Variants in LRBA observed in about 807,000 individuals in gnomAD.
LRBA encodes lipopolysaccharide-responsive and beige-like anchor protein.
LRBA carries 176 observed loss-of-function variants against 330.0 expected under a neutral mutation model. That is an observed-to-expected ratio of 0.53 (90% CI 0.47 to 0.60). The LOEUF (loss-of-function observed/expected upper bound fraction) is 0.60, where lower values mean the gene tolerates loss of function less well. Ranked by LOEUF, LRBA falls within the 20% of genes least tolerant of loss-of-function variation. LRBA has a pLI of 0.00. For synonymous variants in LRBA, 1,230 were observed against 1,193.0 expected (o/e 1.03, Z -0.64); for missense variants, 3,259 against 3,444.8 (o/e 0.95, Z 1.35).
rs375297080 is a variant in LRBA at position 150,616,694 on chromosome 4, G to A, written c.5922-17563C>T. 3.9e-5 allele frequency among the ~76,000 whole-genome samples: 6 copies of A among 152,252 alleles called. No homozygotes were observed. In the South Asian group the frequency reaches 8.3e-4, roughly 21 times the overall value. Reference sequence around the variant, plus strand: ...GTGAAGCAAGTTCAAGAGAGAATAGGAGAAGAGAAACTCAGCAAGTAGAAA... The same window carrying A: ...GTGAAGCAAGTTCAAGAGAGAATAGAAGAAGAGAAACTCAGCAAGTAGAAA... On this transcript the variant is annotated intron_variant, in intron 37 of 56. Coordinates refer to ENST00000651943, the MANE Select transcript of LRBA (RefSeq NM_001364905.1).
intron 5 of LRBA, among the ~76,000 whole-genome samples, chr4:150,919,581 A>G (rs1042665637): frequency 1.3e-5 from 2 of 152,210 alleles, no homozygotes; most frequent in Admixed American, 1.3e-4. Flanking sequence ...TAATGCAAAA[A>G]TGAACGTTGC....
chr4:150,619,740 A>C (rs1776118953), intron 37 of LRBA, among the ~76,000 whole-genome samples: 1 of 152,154 alleles, frequency 6.6e-6, no homozygotes, highest in Non-Finnish European at 1.5e-5. Flanking sequence ...TATGAATCCC[A>C]AGCTTCTAGC....
intron 53 of LRBA, among the ~76,000 whole-genome samples, chr4:150,293,032 A>G (rs1728528180): frequency 6.6e-6 from 1 of 152,200 alleles, no homozygotes; most frequent in Non-Finnish European, 1.5e-5. Context: ...ACAAATTAAG[A>G]AATAAAATAT....
At chr4:150,545,765 C>T (rs1307407719) in intron 40 of LRBA, among the ~76,000 whole-genome samples, 1 of 151,904 alleles carries the variant, frequency 6.6e-6, no homozygotes, top group East Asian at 1.9e-4. Flanking sequence ...AAAACATGAT[C>T]AAACAAGAAA....
At position 150,993,691 on chromosome 4, in the gene LRBA, A is replaced by C. The variant is rs1177525907; in HGVS notation, c.216+20736T>G. ...CTTACATGGTGGTGGCAAGAGAAAA[A>C]GAGGAAGATGCAAAAGCAGAAACCC... On this transcript the variant is annotated intron_variant, in intron 2 of 56. Coordinates refer to ENST00000651943, the MANE Select transcript of LRBA (RefSeq NM_001364905.1). Among the ~76,000 whole-genome samples, 3 of 152,200 alleles carry C rather than the reference A, an allele frequency of 2.0e-5. No homozygotes were observed. The East Asian group carries it at 5.8e-4, about 29-fold the overall frequency.
Position 150,906,408 on chromosome 4 carries a change from A to C in LRBA, c.1494-3T>G. The C allele has an allele frequency of 6.5e-7, 1 of 1,537,394 alleles. No individual in the cohort carries two copies. Among genetic ancestry groups the C allele is most frequent in the East Asian group, 2.2e-5 (1 of 44,446 alleles). On this transcript the variant is annotated splice_polypyrimidine_tract_variant and splice_region_variant and intron_variant, in intron 11 of 56. Transcript: ENST00000651943. ...TGATAAAGGCCAGCAAGGTTGAACTAGAATTTTTTAAAAAGGCGATGATTA... is the reference window on the plus strand; with the variant it reads ...TGATAAAGGCCAGCAAGGTTGAACTCGAATTTTTTAAAAAGGCGATGATTA...
intron 47 of LRBA, among the ~76,000 whole-genome samples, chr4:150,401,798 A>G (rs1467454282): frequency 6.6e-6 from 1 of 152,150 alleles, no homozygotes; most frequent in Non-Finnish European, 1.5e-5. Flanking sequence ...GAGGTAAAAG[A>G]CCATGAAGTA....
intron 2 of LRBA, among the ~76,000 whole-genome samples, chr4:150,954,119 T>C (rs28661668): frequency 6.6e-6 from 1 of 150,628 alleles, no homozygotes; most frequent in South Asian, 2.1e-4. Context: ...GGAGCATCTC[T>C]GCCCGGCAGC....
At chr4:150,677,016 T>C (rs1302582966) in intron 37 of LRBA, among the ~76,000 whole-genome samples, 1 of 152,300 alleles carries the variant, frequency 6.6e-6, no homozygotes, top group Non-Finnish European at 1.5e-5. Context: ...CAACTAGTTA[T>C]GATAAAATAT....
intron 36 of LRBA, among the ~76,000 whole-genome samples, chr4:150,727,548 CAAT>C (rs1310477593): frequency 6.6e-6 from 1 of 151,920 alleles, no homozygotes; most frequent in African/African-American, 2.4e-5. Flanking sequence ...AACTACAAAT[CAAT>C]AATAACAGGA....
At chr4:150,763,043 AT>A (rs1002996893) in intron 34 of LRBA, among the ~76,000 whole-genome samples, 8 of 152,166 alleles carry the variant, frequency 5.3e-5, no homozygotes, top group African/African-American at 1.9e-4. Flanking sequence ...GACTAAAACA[AT>A]CACATGACAT....
intron 2 of LRBA, among the ~76,000 whole-genome samples, chr4:150,937,346 T>C (rs890516673): frequency 3.3e-5 from 5 of 152,140 alleles, no homozygotes; most frequent in African/African-American, 1.2e-4. Flanking sequence ...ACAGGGATCA[T>C]AATCCAGGTA....
intron 38 of LRBA, chr4:150,597,130 AT>A: frequency 7.4e-7 from 1 of 1,347,438 alleles, no homozygotes; most frequent in Non-Finnish European, 1.0e-6. Context: ...AACATAGATA[AT>A]TAACATTGGA....
At chr4:150,508,545 T>C (rs1761445972) in intron 40 of LRBA, among the ~76,000 whole-genome samples, 1 of 152,094 alleles carries the variant, frequency 6.6e-6, no homozygotes, top group Admixed American at 6.6e-5. Context: ...CACCTTGGCC[T>C]CCCAAAGTGT....
At chr4:150,377,624 C>A (rs1243900491) in intron 47 of LRBA, among the ~76,000 whole-genome samples, 2 of 151,934 alleles carry the variant, frequency 1.3e-5, no homozygotes, top group African/African-American at 4.8e-5. Context: ...AAGACATGTA[C>A]CCACTTAGGA....
chr4:150,405,088 A>G (rs1281390616), intron 47 of LRBA, among the ~76,000 whole-genome samples: 1 of 152,198 alleles, frequency 6.6e-6, no homozygotes, highest in Non-Finnish European at 1.5e-5. Context: ...TATGCATTAA[A>G]TAACATAATC....
chr4:150,710,860 G>A lies in LRBA; in HGVS notation c.5754+24398C>T, dbSNP rs142755414. On this transcript the variant is annotated intron_variant, in intron 36 of 56. Transcript: ENST00000651943. ...CTTGTTTATTAGAACTACACTTTAC[G>A]TCTCTGCTTGCAAACTCAACATATC... is the stretch of plus-strand genomic sequence containing the variant. Among the ~76,000 whole-genome samples, 4 of 151,576 alleles carry A rather than the reference G, an allele frequency of 2.6e-5. No homozygotes were observed. In the East Asian group the frequency reaches 5.8e-4, roughly 22 times the overall value.
intron 47 of LRBA, among the ~76,000 whole-genome samples, chr4:150,356,474 T>C (rs1737861248): frequency 6.6e-6 from 1 of 152,066 alleles, no homozygotes; most frequent in Admixed American, 6.5e-5. Context: ...ATTTCAATTT[T>C]ATCTATAGGT....
intron 47 of LRBA, among the ~76,000 whole-genome samples, chr4:150,379,247 G>A (rs1384473080): frequency 7.1e-6 from 1 of 140,570 alleles, no homozygotes; most frequent in African/African-American, 2.6e-5. Context: ...AGGTTGTAGT[G>A]AGCCGAGATC....
Sources: gnomAD v4.1 joint callset for allele counts (sites outside exome capture counted in the v4.1 genomes callset) on GRCh38, gnomAD v4.1.1 for gene constraint, MANE v1.5 for transcripts, NCBI Gene and HGNC (gene_info 2026-07-23, HGNC 2026-07-21) for gene names.